Variants in ZNF782 observed in about 807,000 individuals in gnomAD.
The protein encoded by ZNF782 is zinc finger protein 782.
In ZNF782, 12 loss-of-function variants were observed where a neutral mutation model predicts 13.0. The ratio of observed to expected loss-of-function variants is 0.92; its 90% confidence interval spans 0.59 to 1.50. The LOEUF is 1.50. ZNF782 is among the 40% of genes most tolerant of loss of function. The pLI is 0.00. For synonymous variants in ZNF782, 284 were observed against 283.0 expected, an observed-to-expected ratio of 1.00 and a Z score of -0.04; for missense variants, 770 against 822.9, an observed-to-expected ratio of 0.94 and a Z score of 0.79.
chr9:96,842,828 T>C (rs1851229339), intron 4 of ZNF782, among the ~76,000 whole-genome samples: 2 of 152,048 alleles, frequency 1.3e-5, no homozygotes, highest in Non-Finnish European at 2.9e-5. Flanking sequence ...ATCTAGACTA[T>C]CTAAATTCTC....
the ZNF782 span, among the ~76,000 whole-genome samples, chr9:96,911,401 T>C: frequency 9.1e-6 from 1 of 109,486 alleles, no homozygotes; most frequent in Non-Finnish European, 1.7e-5. Flanking sequence ...ATCGCGCCAC[T>C]GCACTCCGGC....
the ZNF782 span, among the ~76,000 whole-genome samples, chr9:96,885,473 A>T: frequency 6.6e-6 from 1 of 152,164 alleles, no homozygotes; most frequent in Non-Finnish European, 1.5e-5. Flanking sequence ...AAGAAAAGAG[A>T]ACAATTACAG....
upstream of ZNF782, among the ~76,000 whole-genome samples, chr9:96,877,801 T>C (rs1851912608): frequency 6.6e-6 from 1 of 152,238 alleles, no homozygotes; most frequent in African/African-American, 2.4e-5. Flanking sequence ...TTACTCGGTA[T>C]CATGTGTGCT....
Position 96,831,717 on chromosome 9 carries a change from A to G in ZNF782, c.143-4536T>C, listed in dbSNP as rs553046053. ...GACAGAGTGAGACTCTGTCTCAAAA[A>G]AAAAAAAAAAATTGCTGTCTTCTTG... On this transcript the variant is annotated intron_variant, in intron 4 of 5. Transcript: ENST00000481138. 6.1e-4 allele frequency among the ~76,000 whole-genome samples: 93 copies of G among 151,998 alleles called. 1 individual carries two copies. Among genetic ancestry groups the G allele is most frequent in the African/African-American group, 2.1e-3 (87 of 41,412 alleles).
the ZNF782 span, among the ~76,000 whole-genome samples, chr9:96,908,139 G>A: frequency 2.6e-5 from 4 of 151,788 alleles, no homozygotes; most frequent in African/African-American, 9.7e-5. Context: ...CCAGGCCAGT[G>A]CCTAACTACC....
rs143392186 is a variant in ZNF782 at position 96,851,832 on chromosome 9, A to G, written c.15+115T>C. ...AGCAGAGTTCATGGTGAAACTGTAT[A>G]TATTTTCCCTCAAGATTTACTTATC... is the stretch of plus-strand genomic sequence containing the variant. On this transcript the variant is annotated intron_variant, in intron 3 of 5. Transcript: ENST00000481138. The G allele has an allele frequency of 1.0e-4, 114 of 1,087,194 alleles. No homozygotes were observed. The East Asian group carries it at 2.1e-3, about 20-fold the overall frequency. The allele number at this position is 1,087,194 out of a possible 1,614,324, so 67.3% of individuals were successfully genotyped here.
At chr9:96,891,064 C>T in the ZNF782 span, 1 of 152,094 alleles carries the variant, frequency 6.6e-6, no homozygotes, top group Non-Finnish European at 1.5e-5. Flanking sequence ...ATATGAGGTA[C>T]CTAGAATTGG....
intron 4 of ZNF782, among the ~76,000 whole-genome samples, chr9:96,834,759 G>A (rs1337413321): frequency 6.6e-6 from 1 of 152,176 alleles, no homozygotes; most frequent in Non-Finnish European, 1.5e-5. Flanking sequence ...GACTAAGAGA[G>A]AAAATTGGTA....
At chr9:96,823,825 C>T (rs145111398) in intron 5 of ZNF782, among the ~76,000 whole-genome samples, 236 of 152,294 alleles carry the variant, frequency 1.5e-3, no homozygotes, top group Non-Finnish European at 1.9e-3. Context: ...TCTTACTCTA[C>T]GTTATGCCAG....
intron 5 of ZNF782, among the ~76,000 whole-genome samples, chr9:96,822,851 T>C (rs1850473116): frequency 6.6e-6 from 1 of 152,216 alleles, no homozygotes; most frequent in Non-Finnish European, 1.5e-5. Context: ...TTTTTAAAGA[T>C]ATATATTCCT....
chr9:96,900,067 G>A, the ZNF782 span, among the ~76,000 whole-genome samples: 8 of 152,014 alleles, frequency 5.3e-5, no homozygotes, highest in Non-Finnish European at 1.0e-4. Context: ...CCAAAGTGCT[G>A]GGATTACAGG....
chr9:96,912,484 T>C, the ZNF782 span, among the ~76,000 whole-genome samples: 3 of 141,224 alleles, frequency 2.1e-5, no homozygotes, highest in Non-Finnish European at 4.5e-5. Flanking sequence ...ACAGAGTGAG[T>C]TTCCATCTCA....
chr9:96,929,613 C>T, the ZNF782 span, among the ~76,000 whole-genome samples: 661 of 152,080 alleles, frequency 4.3e-3, 1 homozygote, highest in Non-Finnish European at 6.0e-3. Flanking sequence ...AGCTTCCTCC[C>T]CAGAGATGGC....
upstream of ZNF782, among the ~76,000 whole-genome samples, chr9:96,857,348 A>T (rs1851655769): frequency 6.6e-6 from 1 of 152,230 alleles, no homozygotes; most frequent in Non-Finnish European, 1.5e-5. Flanking sequence ...AGGTAGCAGA[A>T]GTATCTGACC....
chr9:96,836,720 T>C (rs1314713102), intron 4 of ZNF782, among the ~76,000 whole-genome samples: 1 of 152,116 alleles, frequency 6.6e-6, no homozygotes, highest in African/African-American at 2.4e-5. Flanking sequence ...TGTAGCAGTG[T>C]TGGGAGGTGG....
At position 96,818,520 on chromosome 9, in the gene ZNF782, T is replaced by C. The variant is rs1350305285; in HGVS notation, c.1503A>G (p.Thr501=). Residue 501 remains threonine, a synonymous_variant, in exon 6 of 6, where the codon ACA becomes ACG. Transcript: ENST00000481138. The part of the protein sequence containing the change: ...SGLRNHRRTH[T]GERPYKCDEC... ...CATCACATTTATATGGTCTTTCCCC[T>C]GTGTGAGTTCTTCGGTGATTCCTTA... 4 of 1,613,788 alleles carry C rather than the reference T, an allele frequency of 2.5e-6. No individual in the cohort carries two copies. The highest frequency in any genetic ancestry group is 3.4e-6 in the Non-Finnish European group (4 of 1,179,934).
upstream of ZNF782, among the ~76,000 whole-genome samples, chr9:96,880,346 C>T (rs1851947620): frequency 6.6e-6 from 1 of 152,224 alleles, no homozygotes; most frequent in South Asian, 2.1e-4. Context: ...ATCAGACACA[C>T]TTGCCTTGGT....
At chr9:96,913,716 A>T in the ZNF782 span, among the ~76,000 whole-genome samples, 578 of 151,810 alleles carry the variant, frequency 3.8e-3, 6 homozygotes, top group African/African-American at 0.013. Flanking sequence ...GTAGAGACAG[A>T]GTTTCACCAT....
chr9:96,887,378 A>G, the ZNF782 span: 1 of 152,448 alleles, frequency 6.6e-6, no homozygotes, highest in East Asian at 1.9e-4. Flanking sequence ...GCAAGCAAAT[A>G]ACAAAATGGC....
Sources: gnomAD v4.1 joint callset for allele counts (sites outside exome capture counted in the v4.1 genomes callset) on GRCh38, gnomAD v4.1.1 for gene constraint, MANE v1.5 for transcripts, NCBI Gene and HGNC (gene_info 2026-07-23, HGNC 2026-07-21) for gene names.